NACC2: variants seen among roughly 807,000 people sequenced by gnomAD.
NACC2 encodes NACC family member 2, also known as nucleus accumbens-associated protein 2.
A neutral mutation model predicts 25.1 loss-of-function variants in NACC2; 8 were observed. The ratio of observed to expected loss-of-function variants is 0.32; its 90% CI spans 0.19 to 0.57. NACC2 has a LOEUF of 0.57. Among genes scored for constraint, NACC2 ranks in the 20% least tolerant of loss-of-function variants. NACC2 has a pLI of 0.89. For missense variants in NACC2, 644 were observed against 650.2 expected, an observed-to-expected ratio of 0.99 and a Z score of 0.10; for synonymous variants, 435 against 294.7, an observed-to-expected ratio of 1.48 and a Z score of -4.88.
intron 1 of NACC2, among the ~76,000 whole-genome samples, chr9:136,051,876 A>AGGAGGAGG (rs1840846593): frequency 1.5e-5 from 2 of 132,380 alleles, no homozygotes; most frequent in African/African-American, 6.6e-5. Flanking sequence ...GGGAGCCGGC[A>AGGAGGAGG]AGGAGGAGGA....
intron 2 of NACC2, among the ~76,000 whole-genome samples, chr9:136,041,761 C>A (rs1840636358): frequency 1.3e-5 from 2 of 152,112 alleles, no homozygotes; most frequent in Admixed American, 6.5e-5. Flanking sequence ...GTGTGAATTA[C>A]GTCTCAATAA....
chr9:136,059,320 A>G (rs899744957), intron 1 of NACC2, among the ~76,000 whole-genome samples: 3 of 152,188 alleles, frequency 2.0e-5, no homozygotes, highest in Non-Finnish European at 4.4e-5. Flanking sequence ...CTTGGTGTCC[A>G]GATGCATGCA....
chr9:136,048,693 C>T (rs1431291345), intron 2 of NACC2, among the ~76,000 whole-genome samples: 1 of 152,232 alleles, frequency 6.6e-6, no homozygotes, highest in African/African-American at 2.4e-5. Flanking sequence ...GCTGTCCCGG[C>T]TGTGGTGACA....
At chr9:136,030,049 A>G (rs574250968) in intron 2 of NACC2, among the ~76,000 whole-genome samples, 1 of 152,164 alleles carries the variant, frequency 6.6e-6, no homozygotes, top group East Asian at 1.9e-4. Context: ...TAATTTTCGT[A>G]ATTTTAGTAG....
In NACC2 at chr9:136,011,679, C is replaced by A; in HGVS notation, c.1601G>T (p.Gly534Val). The A allele has an allele frequency of 6.9e-7, 1 of 1,451,738 alleles. No homozygotes were observed. Among genetic ancestry groups the A allele is most frequent in the Non-Finnish European group, 9.0e-7 (1 of 1,105,432 alleles). 89.9% of individuals were successfully genotyped at this position (1,451,738 alleles called of 1,614,324 possible). Residue 534 changes from glycine to valine, a missense_variant, in exon 6 of 6, where the codon GGG becomes GTG. By Grantham distance (109) the Gly-to-Val change is moderately radical. Transcript: ENST00000277554. Reference sequence around the variant, plus strand: ...CACCTCCTGGATGACCGAGCCAGCCCCGTCCACCTCCTCGCCGGCGTCGAA... The same window carrying A: ...CACCTCCTGGATGACCGAGCCAGCCACGTCCACCTCCTCGCCGGCGTCGAA... ...PAFDAGEEVD[G>V]AGSVIQEVAA... is the part of the protein sequence containing the mutation.
intron 1 of NACC2, among the ~76,000 whole-genome samples, chr9:136,075,584 T>A (rs935917573): frequency 6.6e-6 from 1 of 152,228 alleles, no homozygotes; most frequent in Non-Finnish European, 1.5e-5. Flanking sequence ...TTATCGGGCA[T>A]AGGCCCACAT....
intron 1 of NACC2, among the ~76,000 whole-genome samples, chr9:136,088,383 G>C (rs1054158095): frequency 1.3e-5 from 2 of 152,138 alleles, no homozygotes; most frequent in Non-Finnish European, 2.9e-5. Context: ...AAAAATTTGA[G>C]TCCACACAGC....
chr9:136,007,098 G>A lies in NACC2; in HGVS notation c.*4418C>T, dbSNP rs1022172260. 1 of 154,116 alleles carries A rather than the reference G, an allele frequency of 6.5e-6. No individual in the cohort carries two copies. Among genetic ancestry groups the A allele is most frequent in the African/African-American group, 2.4e-5 (1 of 41,460 alleles). 9.5% of individuals were successfully genotyped at this position (154,116 alleles called of 1,614,324 possible). ...TTATACTTAGTTCTTTTTTTTGTCT[G>A]CTAAAAATAGTATTGCAAGTTTTGG... On this transcript the variant is annotated 3_prime_UTR_variant, in exon 6 of 6. Transcript: ENST00000277554.
At chr9:136,056,015 C>T (rs897836558) in intron 1 of NACC2, among the ~76,000 whole-genome samples, 2 of 152,196 alleles carry the variant, frequency 1.3e-5, no homozygotes, top group South Asian at 2.1e-4. Context: ...CTCCGCGCAA[C>T]GCCTTCCCTT....
chr9:136,014,802 C>T (rs1440343650), intron 3 of NACC2, among the ~76,000 whole-genome samples: 2 of 152,200 alleles, frequency 1.3e-5, no homozygotes, highest in African/African-American at 2.4e-5. Flanking sequence ...AGGGCAGAGG[C>T]GTGGCCAGAG....
chr9:136,033,382 G>C (rs1208746050), intron 2 of NACC2, among the ~76,000 whole-genome samples: 1 of 151,946 alleles, frequency 6.6e-6, no homozygotes. Flanking sequence ...GGTGGCTCAC[G>C]CCTGTAATCC....
At chr9:136,024,056 G>A (rs375196105) in intron 2 of NACC2, among the ~76,000 whole-genome samples, 9 of 152,202 alleles carry the variant, frequency 5.9e-5, no homozygotes, top group South Asian at 2.1e-4. Flanking sequence ...TGGGGACAGC[G>A]TGTGTGTGTG....
intron 1 of NACC2, among the ~76,000 whole-genome samples, chr9:136,077,502 C>T (rs1285409738): frequency 6.6e-6 from 1 of 152,158 alleles, no homozygotes. Context: ...CCGAGAAGGA[C>T]AGACCTTTGC....
chr9:136,032,890 C>T (rs950903420), intron 2 of NACC2, among the ~76,000 whole-genome samples: 1 of 152,068 alleles, frequency 6.6e-6, no homozygotes, highest in Non-Finnish European at 1.5e-5. Context: ...TGGTGGCAGG[C>T]GCCTGTAATC....
In NACC2 at chr9:136,009,423, C is replaced by G. The variant is rs1203653915; in HGVS notation, c.*2093G>C. The G allele has an allele frequency of 6.6e-6, 1 of 152,296 alleles. No individual in the cohort carries two copies. Among genetic ancestry groups the G allele is most frequent in the Non-Finnish European group, 1.5e-5 (1 of 68,086 alleles). The allele number at this position is 152,296 out of a possible 1,614,324, so 9.4% of individuals were successfully genotyped here. The stretch of plus-strand genomic sequence containing the variant: ...TGCCTCTGCACCACTGAGCCACCTG[C>G]AGCCCTAGGAATGCAGGTCTTGGTC... On this transcript the variant is annotated 3_prime_UTR_variant, in exon 6 of 6. Coordinates refer to ENST00000277554, the MANE Select transcript of NACC2 (RefSeq NM_144653.5).
At chr9:136,058,423 T>C (rs1316478630) in intron 1 of NACC2, among the ~76,000 whole-genome samples, 1 of 152,216 alleles carries the variant, frequency 6.6e-6, no homozygotes. Flanking sequence ...AGGCACCTGC[T>C]CAGGAGGGGG....
At position 136,020,559 on chromosome 9, in the gene NACC2, C is replaced by T. The variant is rs752312569; in HGVS notation, c.887-4130G>A. On this transcript the variant is annotated intron_variant, in intron 2 of 5. Transcript: ENST00000277554. This position sits in a 1 kb window ranked among gnomAD's most constrained non-coding sequence, Gnocchi z 4.7. Reference sequence around the variant, plus strand: ...AGCCTCGGCGGGGGTAGGAGGGAGACGGGGAGGCCTACTCCCTAAAAGTGT... The same window carrying T: ...AGCCTCGGCGGGGGTAGGAGGGAGATGGGGAGGCCTACTCCCTAAAAGTGT... Among the ~76,000 whole-genome samples the T allele has an allele frequency of 4.6e-5, 7 of 152,206 alleles. No homozygotes were observed. Among genetic ancestry groups the T allele is most frequent in the African/African-American group, 7.2e-5 (3 of 41,448 alleles).
Position 136,054,652 on chromosome 9 carries a change from A to G in NACC2, c.-59-4072T>C, listed in dbSNP as rs924469928. On this transcript the variant is annotated intron_variant, in intron 1 of 5. Coordinates refer to ENST00000277554, the MANE Select transcript of NACC2 (RefSeq NM_144653.5). ...GGCAGGGGCCAAGCCTGGTTCTCAG[A>G]CATCAGGGCATCCCCACCCTCCCCT... Among the ~76,000 whole-genome samples, 636 of 151,878 alleles carry G rather than the reference A, an allele frequency of 4.2e-3. 8 individuals carry two copies. The highest frequency in any genetic ancestry group is 0.015 in the African/African-American group (610 of 41,384).
At chr9:136,056,826 C>T (rs962114384) in intron 1 of NACC2, among the ~76,000 whole-genome samples, 1 of 152,364 alleles carries the variant, frequency 6.6e-6, no homozygotes, top group Middle Eastern at 3.4e-3. Flanking sequence ...CCATCAGAGC[C>T]GGCGGTAACT....
Sources: gnomAD v4.1 joint callset for allele counts (sites outside exome capture counted in the v4.1 genomes callset) on GRCh38, gnomAD v4.1.1 for gene constraint, Gnocchi (gnomAD v3.1) non-coding constraint, MANE v1.5 for transcripts, NCBI Gene and HGNC (gene_info 2026-07-23, HGNC 2026-07-21) for gene names.